Variants in NEFM observed in about 807,000 individuals in gnomAD.
NEFM encodes the protein neurofilament medium chain.
In NEFM, 16 loss-of-function variants were observed where a neutral mutation model predicts 48.1. That is an observed-to-expected ratio of 0.33 (90% CI 0.23 to 0.51). The LOEUF (loss-of-function observed/expected upper bound fraction) is 0.51. Among genes scored for constraint, NEFM ranks in the 20% least tolerant of loss-of-function variants. NEFM has a pLI of 0.98. For missense variants in NEFM, 1,107 were observed against 1,136.0 expected (o/e 0.97, Z 0.37); for synonymous variants, 465 against 456.9 (o/e 1.02, Z -0.23).
rs1267977637 is a variant in NEFM at position 24,914,374 on chromosome 8, G to A, written c.581G>A (p.Arg194Gln). 14 of 1,613,498 alleles carry A rather than the reference G, an allele frequency of 8.7e-6. No homozygotes were observed. The highest frequency in any genetic ancestry group is 1.2e-5 in the Non-Finnish European group (14 of 1,179,994). The change falls in exon 1 of 3, where the codon CGG (arginine) becomes CAG (glutamine). Residue 194 changes from arginine to glutamine, a missense_variant. This residue lies in a region of NEFM where 917 missense variants were observed against 916.4 expected (regional missense o/e 1.00). Transcript: ENST00000221166. ...AAGGAGCGCTTTGAGGAGGAGGCGC[G>A]GTTGCGCGACGACACTGAGGCGGCC... The part of the protein sequence containing the change: ...RLKERFEEEA[R>Q]LRDDTEAAIR...
rs749256845 is a variant in NEFM, at chr8:24,917,546, G to T, written c.1691G>T (p.Gly564Val). ...GAAGGCTCTAGTGAAAAAGAGGAAG[G>T]TGAGCAGGAAGAAGGAGAAACAGAA... The part of the protein sequence containing the change: ...EKEGSSEKEE[G>V]EQEEGETEAE... The change falls in exon 3 of 3, where the codon GGT becomes GTT. Residue 564 changes from glycine to valine, a missense_variant. This residue lies in a region of NEFM where 917 missense variants were observed against 916.4 expected (regional missense o/e 1.00). Transcript: ENST00000221166. 1.9e-6 allele frequency: 3 copies of T among 1,564,496 alleles called. No homozygotes were observed. The highest frequency in any genetic ancestry group is 2.6e-6 in the Non-Finnish European group (3 of 1,154,202).
chr8:24,918,717 T>C lies in NEFM; in HGVS notation c.*111T>C. The C allele has an allele frequency of 1.2e-6, 1 of 845,180 alleles. No homozygotes were observed. The highest frequency in any genetic ancestry group is 2.0e-6 in the Non-Finnish European group (1 of 496,208). 52.4% of individuals were successfully genotyped at this position (845,180 alleles called of 1,614,324 possible). On this transcript the variant is annotated 3_prime_UTR_variant, in exon 3 of 3. Transcript: ENST00000221166. ...CATGGGGGCTCCAGACATTGTATTTTACTTTGTGCAATATGAGGGGACTGC... is the reference window on the plus strand; with the variant it reads ...CATGGGGGCTCCAGACATTGTATTTCACTTTGTGCAATATGAGGGGACTGC...
At chr8:24,914,904 G>A in intron 1 of NEFM, 31 bp downstream of exon 1, 10 of 1,547,890 alleles carry the variant, frequency 6.5e-6, no homozygotes, top group Non-Finnish European at 8.7e-6. Flanking sequence ...GCCAGCCTGC[G>A]CCAGCGCCAG....
At chr8:24,917,018 T>C (rs1586108649) in intron 2 of NEFM, 43 bp from the exon 3 acceptor site, 1 of 1,565,238 alleles carries the variant, frequency 6.4e-7, no homozygotes, top group African/African-American at 1.4e-5. Flanking sequence ...GAAGGCCTAG[T>C]GAAATTTTTA....
chr8:24,915,512 G>T (rs1019265975), intron 1 of NEFM, 93 bp from the exon 2 acceptor site: 92 of 1,581,782 alleles, frequency 5.8e-5, no homozygotes, highest in Admixed American at 1.7e-5. Flanking sequence ...AGGGAGACGG[G>T]AGGAGGCCAG....
At position 24,918,816 on chromosome 8, in the gene NEFM, T is replaced by C. The variant is rs567928641; in HGVS notation, c.*210T>C. On this transcript the variant is annotated 3_prime_UTR_variant, in exon 3 of 3. Transcript: ENST00000221166. ...ATGATATTGTATGTACCTGGGAAAT[T>C]TGCCGATTTCCTAAGCTGTTGGAAG... The C allele has an allele frequency of 2.3e-5, 13 of 556,404 alleles. No individual in the cohort carries two copies. Among genetic ancestry groups the C allele is most frequent in the Non-Finnish European group, 3.9e-5 (12 of 311,372 alleles). The allele number at this position is 556,404 out of a possible 1,614,324, so 34.5% of individuals were successfully genotyped here.
rs747384021 is a variant in NEFM, at chr8:24,914,558, G to C, written c.765G>C (p.Thr255=). 27 of 1,614,206 alleles carry C rather than the reference G, an allele frequency of 1.7e-5. No homozygotes were observed. Among genetic ancestry groups the C allele is most frequent in the Non-Finnish European group, 2.1e-5 (25 of 1,180,046 alleles). The change falls in exon 1 of 3, where the codon ACG becomes ACC. Residue 255 remains threonine (T), a synonymous_variant. Coordinates refer to ENST00000221166, the MANE Select transcript of NEFM (RefSeq NM_005382.2). The part of the protein sequence containing the change: ...LLAQIQASHI[T]VERKDYLKTD... ...CCCAGATCCAGGCATCGCACATCAC[G>C]GTGGAGCGCAAAGACTACCTGAAGA...
Position 24,914,574 on chromosome 8 carries a change from T to C in NEFM, c.781T>C (p.Tyr261His). Reference protein sequence around the residue: ...ASHITVERKDYLKTDISTALK... With the variant: ...ASHITVERKDHLKTDISTALK... ...GCACATCACGGTGGAGCGCAAAGAC[T>C]ACCTGAAGACAGACATCTCGACGGC... Residue 261 changes from tyrosine (Y) to histidine (H), a missense_variant, in exon 1 of 3, where the codon TAC becomes CAC. Physicochemically the swap from Tyr to His is moderately conservative, Grantham distance 83. Transcript: ENST00000221166. The C allele has an allele frequency of 6.2e-7, 1 of 1,614,096 alleles. No individual in the cohort carries two copies. Among genetic ancestry groups the C allele is most frequent in the Admixed American group, 1.7e-5 (1 of 60,020 alleles).
At chr8:24,915,769 C>A in intron 2 of NEFM, 40 bp downstream of exon 2, 3 of 1,613,708 alleles carry the variant, frequency 1.9e-6, no homozygotes, top group Non-Finnish European at 2.5e-6. Flanking sequence ...ACACTAACCG[C>A]AGTGCAGAGG....
At position 24,918,303 on chromosome 8, in the gene NEFM, C is replaced by T. The variant is rs183707930; in HGVS notation, c.2448C>T (p.Thr816=). 13 of 1,612,728 alleles carry T rather than the reference C, an allele frequency of 8.1e-6. No individual in the cohort carries two copies. The highest frequency in any genetic ancestry group is 1.7e-4 in the Middle Eastern group (1 of 6,056). ...GAAAAGAGGAGGTAGAGCAGGAGAC[C>T]AAGGAAAAAGGCAGTGGGAGGGAAG... ...VEGKEEVEQE[T]KEKGSGREEE... The change falls in exon 3 of 3, where the codon ACC becomes ACT. Residue 816 remains threonine, a synonymous_variant. Transcript: ENST00000221166.
chr8:24,915,696 A>G lies in NEFM; in HGVS notation c.1172A>G (p.Lys391Arg). ...LREYQDLLNV[K>R]MALDIEIAAY... ...GAATACCAGGACCTCCTCAACGTCA[A>G]GATGGCTCTGGATATAGAAATCGCT... The change falls in exon 2 of 3, where the codon AAG becomes AGG. Residue 391 changes from lysine to arginine, a missense_variant. Physicochemically the swap from Lys to Arg is conservative, Grantham distance 26. Coordinates refer to ENST00000221166, the MANE Select transcript of NEFM (RefSeq NM_005382.2). 7.4e-6 allele frequency: 12 copies of G among 1,614,150 alleles called. No homozygotes were observed. The highest frequency in any genetic ancestry group is 2.2e-5 in the East Asian group (1 of 44,874).
Position 24,917,630 on chromosome 8 carries a change from G to C in NEFM, c.1775G>C (p.Ser592Thr). The change falls in exon 3 of 3, where the codon AGT (serine) becomes ACT (threonine). Residue 592 changes from serine to threonine, a missense_variant. By Grantham distance (58) the Ser-to-Thr change is moderately conservative. Around this residue, in one of 3 missense-constraint regions of NEFM, gnomAD observed 917 missense variants for 916.4 expected, o/e 1.00. Coordinates refer to ENST00000221166, the MANE Select transcript of NEFM (RefSeq NM_005382.2). ...AKEEKKVEEK[S>T]EEVATKEELV... ...GAGGAAAAGAAAGTGGAGGAAAAGA[G>C]TGAGGAAGTGGCTACCAAGGAGGAG... 3.7e-6 allele frequency: 6 copies of C among 1,613,000 alleles called. No individual in the cohort carries two copies. Among genetic ancestry groups the C allele is most frequent in the Non-Finnish European group, 5.1e-6 (6 of 1,179,836 alleles).
intron 1 of NEFM, 46 bp from the exon 2 acceptor site, chr8:24,915,559 C>A: frequency 6.2e-7 from 1 of 1,611,848 alleles, no homozygotes; most frequent in Non-Finnish European, 8.5e-7. Context: ...AAGGAAGTTG[C>A]TGTTTGCAAG....
In NEFM at chr8:24,914,745, G is replaced by T. The variant is rs1802546983; in HGVS notation, c.952G>T (p.Ala318Ser). Residue 318 changes from alanine (A) to serine (S), a missense_variant, in exon 1 of 3, where the codon GCC becomes TCC. Ala to Ser is a moderately conservative substitution (Grantham distance 99, BLOSUM62 1). Transcript: ENST00000221166. ...EAIRSAKEEI[A>S]EYRRQLQSKS... ...CATCCGCTCCGCCAAGGAAGAGATC[G>T]CCGAGTACCGGCGCCAGCTGCAGTC... The T allele has an allele frequency of 3.7e-6, 6 of 1,613,196 alleles. No individual in the cohort carries two copies. The highest frequency in any genetic ancestry group is 5.1e-6 in the Non-Finnish European group (6 of 1,179,746).
At position 24,917,690 on chromosome 8, in the gene NEFM, A is replaced by G. The variant is rs768700450; in HGVS notation, c.1835A>G (p.Lys612Arg). 22 of 1,613,444 alleles carry G rather than the reference A, an allele frequency of 1.4e-5. No homozygotes were observed. The South Asian group carries it at 2.4e-4, about 18-fold the overall frequency. ...GATGCCAAGGTGGAAAAGCCAGAAA[A>G]AGCCAAGTCTCCTGTGCCAAAATCA... ...VADAKVEKPE[K>R]AKSPVPKSPV... Residue 612 changes from lysine to arginine, a missense_variant, in exon 3 of 3, where the codon AAA (lysine) becomes AGA (arginine). Physicochemically the swap from Lys to Arg is conservative, Grantham distance 26. Transcript: ENST00000221166.
chr8:24,918,865 T>C lies in NEFM; in HGVS notation c.*259T>C. On this transcript the variant is annotated 3_prime_UTR_variant, in exon 3 of 3. Coordinates refer to ENST00000221166, the MANE Select transcript of NEFM (RefSeq NM_005382.2). ...AGGGGGTCACTTAAGGGGGGATGTCTTGAGATGTATTATGCAAAGTACCAA... is the reference window on the plus strand; with the variant it reads ...AGGGGGTCACTTAAGGGGGGATGTCCTGAGATGTATTATGCAAAGTACCAA... 2.0e-6 allele frequency: 1 copy of C among 504,534 alleles called. No homozygotes were observed. 31.3% of individuals were successfully genotyped at this position (504,534 alleles called of 1,614,324 possible).
At chr8:24,916,414 C>A (rs1465924559) in intron 2 of NEFM, among the ~76,000 whole-genome samples, 3 of 152,064 alleles carry the variant, frequency 2.0e-5, no homozygotes, top group Non-Finnish European at 2.9e-5. Context: ...ACTGAAGTGA[C>A]CTTGCTGTTG....
rs759749588 is a variant in NEFM, at chr8:24,913,919, C to A, written c.126C>A (p.Arg42=). ...GCTTCCGCTCGCAGTCGTGGTCCCG[C>A]GGCTCGCCCAGCACCGTGTCCTCCT... is the stretch of plus-strand genomic sequence containing the variant. ...SSGFRSQSWS[R]GSPSTVSSSY... Residue 42 remains arginine (R), a synonymous_variant, in exon 1 of 3, where the codon CGC becomes CGA. Coordinates refer to ENST00000221166, the MANE Select transcript of NEFM (RefSeq NM_005382.2). The A allele has an allele frequency of 6.2e-7, 1 of 1,610,964 alleles. No homozygotes were observed. The highest frequency in any genetic ancestry group is 8.5e-7 in the Non-Finnish European group (1 of 1,179,060).
chr8:24,915,053 C>A, intron 1 of NEFM, 180 bp downstream of exon 1: 3 of 1,381,830 alleles, frequency 2.2e-6, no homozygotes, highest in Non-Finnish European at 2.8e-6. Context: ...ATCCTCCACA[C>A]TCCGCCCCCA....
Sources: allele counts gnomAD v4.1 joint callset (sites outside exome capture counted in the v4.1 genomes callset), GRCh38; gene constraint gnomAD v4.1.1; regional missense constraint gnomAD v4.1.1; transcripts MANE v1.5; gene names NCBI Gene and HGNC (gene_info 2026-07-23, HGNC 2026-07-21).